The following ZNF605 variants were observed in gnomAD, a reference collection of about 807,000 sequenced individuals.
ZNF605 encodes zinc finger protein 605.
ZNF605 carries 9 observed loss-of-function variants against 7.9 expected under a neutral mutation model. The observed-to-expected ratio is 1.14, with a 90% CI of 0.68 to 1.98. The LOEUF (loss-of-function observed/expected upper bound fraction) is 1.98, where lower values mean the gene tolerates loss of function less well. ZNF605 is among the 30% of genes most tolerant of loss of function. ZNF605 has a pLI of 0.00. For synonymous variants in ZNF605, 255 were observed against 260.1 expected, an observed-to-expected ratio of 0.98 and a Z score of 0.19; for missense variants, 673 against 762.4, an observed-to-expected ratio of 0.88 and a Z score of 1.38.
Position 132,926,629 on chromosome 12 carries a change from G to C in ZNF605, c.670C>G (p.Pro224Ala). The change falls in exon 5 of 5, where the codon CCG (proline) becomes GCG (alanine). Residue 224 changes from proline to alanine, a missense_variant. By Grantham distance (27) the Pro-to-Ala change is conservative (BLOSUM62 -1). Transcript: ENST00000360187. ...VHQRTHSGEK[P>A]HGCSECQKAF... ...TTCTGACATTCGCTGCACCCATGCG[G>C]TTTTTCTCCTGAGTGAGTTCTTTGA... The C allele has an allele frequency of 1.2e-6, 2 of 1,614,112 alleles. No homozygotes were observed. Among genetic ancestry groups the C allele is most frequent in the Non-Finnish European group, 1.7e-6 (2 of 1,180,030 alleles).
rs1952246942 is a variant in ZNF605 at position 132,926,306 on chromosome 12, G to A, written c.993C>T (p.His331=). 1 of 1,614,026 alleles carries A rather than the reference G, an allele frequency of 6.2e-7. No homozygotes were observed. The highest frequency in any genetic ancestry group is 1.3e-5 in the African/African-American group (1 of 74,896). Residue 331 remains histidine, a synonymous_variant, in exon 5 of 5, where the codon CAC becomes CAT. Transcript: ENST00000360187. ...KSQLITHQRT[H]TGKKPYGCGE... ...CACATCCGTAAGGTTTCTTCCCTGTGTGGGTCCTCTGATGAGTAATCAGCT... is the reference window on the plus strand; with the variant it reads ...CACATCCGTAAGGTTTCTTCCCTGTATGGGTCCTCTGATGAGTAATCAGCT...
At chr12:132,954,747 A>G (rs1040863838) in intron 1 of ZNF605, among the ~76,000 whole-genome samples, 4 of 151,396 alleles carry the variant, frequency 2.6e-5, no homozygotes, top group Non-Finnish European at 5.9e-5. Context: ...CCCAAACACC[A>G]CCTGGAAAGG....
intron 1 of ZNF605, among the ~76,000 whole-genome samples, chr12:132,954,355 G>T (rs1360868194): frequency 1.1e-4 from 15 of 132,610 alleles, no homozygotes; most frequent in Non-Finnish European, 1.8e-4. Context: ...GGGAGGAGAA[G>T]GGTGGGGAGC....
At position 132,933,938 on chromosome 12, in the gene ZNF605, CTCTG is replaced by C. The variant is rs1373385117; in HGVS notation, c.16-787_16-784del. The stretch of plus-strand genomic sequence containing the variant: ...AGTTGAGCCCTTCAGCATGCCTGGC[CTCTG>C]TCTGCTAATGACAGTAATATCTCTC... On this transcript the variant is annotated intron_variant, in intron 3 of 4. Coordinates refer to ENST00000360187, the MANE Select transcript of ZNF605 (RefSeq NM_183238.4). The surrounding 1 kb of genome is among the most constrained non-coding windows in gnomAD (Gnocchi z 4.4). 6.6e-6 allele frequency among the ~76,000 whole-genome samples: 1 copy of C among 152,172 alleles called. No individual in the cohort carries two copies. Among genetic ancestry groups the C allele is most frequent in the African/African-American group, 2.4e-5 (1 of 41,438 alleles).
intron 3 of ZNF605, among the ~76,000 whole-genome samples, chr12:132,938,328 TCTCA>T (rs968809318): frequency 6.6e-5 from 10 of 151,792 alleles, no homozygotes; most frequent in Admixed American, 6.6e-4. Context: ...TGAGACAGAA[TCTCA>T]CTCTGTTGCC....
rs1228732598 is a variant in ZNF605 at position 132,919,351 on chromosome 12, A to G, written c.*6022T>C. On this transcript the variant is annotated 3_prime_UTR_variant, in exon 5 of 5. Coordinates refer to ENST00000360187, the MANE Select transcript of ZNF605 (RefSeq NM_183238.4). ...CTCCCAAAGTCCTGGGATTGCAGGCATGAGCCACCACATCTGGCCAGTAAT... is the reference window on the plus strand; with the variant it reads ...CTCCCAAAGTCCTGGGATTGCAGGCGTGAGCCACCACATCTGGCCAGTAAT... The G allele has an allele frequency of 6.7e-6, 1 of 148,524 alleles. No homozygotes were observed. Among genetic ancestry groups the G allele is most frequent in the East Asian group, 2.0e-4 (1 of 5,052 alleles). 9.2% of individuals were successfully genotyped at this position (148,524 alleles called of 1,614,324 possible).
intron 1 of ZNF605, among the ~76,000 whole-genome samples, chr12:132,950,398 C>T (rs1262505993): frequency 9.9e-5 from 15 of 152,142 alleles, no homozygotes; most frequent in African/African-American, 3.1e-4. Flanking sequence ...CACACACTCA[C>T]GGATGCACAC....
intron 1 of ZNF605, among the ~76,000 whole-genome samples, chr12:132,951,047 C>T (rs375657699): frequency 2.8e-5 from 4 of 142,378 alleles, no homozygotes; most frequent in Non-Finnish European, 3.1e-5. Flanking sequence ...CATGTACACA[C>T]AGATACATCA....
rs112682806 is a variant in ZNF605, at chr12:132,934,096, A to AACAC, written c.16-945_16-942dup. Among the ~76,000 whole-genome samples the AACAC allele has an allele frequency of 7.9e-3, 1,183 of 149,746 alleles. 8 individuals carry two copies. The highest frequency in any genetic ancestry group is 0.027 in the Middle Eastern group (8 of 292). On this transcript the variant is annotated intron_variant, in intron 3 of 4. Transcript: ENST00000360187. Reference sequence around the variant, plus strand: ...ACATGGTGAAACCCCAACTCTATTAAACACACACACACACACATGCACACA... The same window carrying AACAC: ...ACATGGTGAAACCCCAACTCTATTAAACACACACACACACACACACATGCACACA...
chr12:132,936,803 G>A (rs1277523793), intron 3 of ZNF605, among the ~76,000 whole-genome samples: 3 of 152,110 alleles, frequency 2.0e-5, no homozygotes, highest in South Asian at 2.1e-4. Context: ...CTTTGGGTTT[G>A]GCAATGAGTT....
rs994497042 is a variant in ZNF605 at position 132,921,047 on chromosome 12, G to C, written c.*4326C>G. 6.6e-6 allele frequency: 1 copy of C among 151,998 alleles called. No individual in the cohort carries two copies. The highest frequency in any genetic ancestry group is 6.6e-5 in the Admixed American group (1 of 15,248). 9.4% of individuals were successfully genotyped at this position (151,998 alleles called of 1,614,324 possible). A position where few individuals can be genotyped will look rare whatever the true frequency, so the allele number is the denominator to read the frequency against. On this transcript the variant is annotated 3_prime_UTR_variant, in exon 5 of 5. Coordinates refer to ENST00000360187, the MANE Select transcript of ZNF605 (RefSeq NM_183238.4). ...TCACCATGTTATTCAGGCTGGTCGC[G>C]AACTCCTGAACTCAGGTGATCCACC... is the stretch of plus-strand genomic sequence containing the variant.
At chr12:132,940,397 C>T (rs904315054) in intron 3 of ZNF605, among the ~76,000 whole-genome samples, 6 of 152,200 alleles carry the variant, frequency 3.9e-5, no homozygotes, top group Non-Finnish European at 7.3e-5. Flanking sequence ...CAAACATAAA[C>T]AATCACCAAG....
rs1952324827 is a variant in ZNF605, at chr12:132,933,307, C to CCCCA, written c.16-153_16-152insTGGG. The CCCCA allele has an allele frequency of 3.5e-6, 3 of 852,168 alleles. No homozygotes were observed. The highest frequency in any genetic ancestry group is 3.5e-6 in the Non-Finnish European group (2 of 578,176). The allele number at this position is 852,168 out of a possible 1,614,324, so 52.8% of individuals were successfully genotyped here. ...CTTTTGCATAATCCTCCCCTCTTGA[C>CCCCA]CGTGGGCTGGACTCACTGACTCATT... On this transcript the variant is annotated intron_variant, in intron 3 of 4. Coordinates refer to ENST00000360187, the MANE Select transcript of ZNF605 (RefSeq NM_183238.4). The surrounding 1 kb of genome is among the most constrained non-coding windows in gnomAD (Gnocchi z 4.4).
chr12:132,934,611 C>T (rs1361384249), intron 3 of ZNF605, among the ~76,000 whole-genome samples: 5 of 149,316 alleles, frequency 3.3e-5, no homozygotes, highest in African/African-American at 1.2e-4. Context: ...GAGGCTGAGA[C>T]AGGAGAATAG....
At chr12:132,932,487 A>C (rs1952317517) in intron 4 of ZNF605, among the ~76,000 whole-genome samples, 1 of 152,206 alleles carries the variant, frequency 6.6e-6, no homozygotes, top group South Asian at 2.1e-4. Context: ...ACTGAATAAG[A>C]GGGATACATT....
At position 132,932,831 on chromosome 12, in the gene ZNF605, T is replaced by C. The variant is rs2137133110; in HGVS notation, c.136+204A>G. On this transcript the variant is annotated intron_variant, in intron 4 of 4. Transcript: ENST00000360187. ...CTGTCGATTGGAAACACAGAGGACT[T>C]GGACCTAACTGCCTGGGCTAAGAGT... 3 of 1,501,244 alleles carry C rather than the reference T, an allele frequency of 2.0e-6. No individual in the cohort carries two copies. In the East Asian group the frequency reaches 7.4e-5, roughly 37 times the overall value. 93.0% of individuals were successfully genotyped at this position (1,501,244 alleles called of 1,614,324 possible).
chr12:132,945,672 T>C lies in ZNF605; in HGVS notation c.-37A>G. The C allele has an allele frequency of 1.2e-6, 2 of 1,614,262 alleles. No homozygotes were observed. The highest frequency in any genetic ancestry group is 1.7e-6 in the Non-Finnish European group (2 of 1,180,044). ...CTTGGGAAATCTGCTGTTTTGTGAC[T>C]TCTCTTAGTCCTGACACCCTGGAGT... is the stretch of plus-strand genomic sequence containing the variant. On this transcript the variant is annotated 5_prime_UTR_variant, in exon 3 of 5. Coordinates refer to ENST00000360187, the MANE Select transcript of ZNF605 (RefSeq NM_183238.4).
At chr12:132,928,499 C>G (rs1952270629) in intron 4 of ZNF605, among the ~76,000 whole-genome samples, 1 of 152,284 alleles carries the variant, frequency 6.6e-6, no homozygotes, top group Non-Finnish European at 1.5e-5. Flanking sequence ...GTAATGCTAT[C>G]ACTGGAAATT....
chr12:132,938,616 C>T (rs1003023240), intron 3 of ZNF605, among the ~76,000 whole-genome samples: 6 of 152,218 alleles, frequency 3.9e-5, no homozygotes, highest in South Asian at 2.1e-4. Context: ...CTCGCTTGTT[C>T]TCGGCACCTC....
Sources: allele counts gnomAD v4.1 joint callset (sites outside exome capture counted in the v4.1 genomes callset), GRCh38; gene constraint gnomAD v4.1.1; non-coding constraint Gnocchi (gnomAD v3.1); transcripts MANE v1.5; gene names NCBI Gene and HGNC (gene_info 2026-07-23, HGNC 2026-07-21).